Variants in UROS observed in about 807,000 individuals in gnomAD.
UROS encodes the protein uroporphyrinogen-III synthase.
Under a neutral mutation model 33.0 loss-of-function variants are expected in UROS, and 18 were observed. That is an observed-to-expected ratio of 0.55 (90% CI 0.38 to 0.81). The LOEUF (loss-of-function observed/expected upper bound fraction) is 0.81. Among genes scored for constraint, UROS ranks in the 30% least tolerant of loss-of-function variants. UROS has a pLI of 0.00. For missense variants in UROS, 293 were observed against 314.9 expected, an observed-to-expected ratio of 0.93 and a Z score of 0.53; for synonymous variants, 114 against 121.1, an observed-to-expected ratio of 0.94 and a Z score of 0.38.
chr10:125,818,304 G>C (rs560262141), intron 1 of UROS, among the ~76,000 whole-genome samples: 8 of 152,144 alleles, frequency 5.3e-5, no homozygotes, highest in Admixed American at 4.6e-4. Context: ...ACAACATAGC[G>C]AGACCCCATT....
At chr10:125,813,166 T>C (rs555773879) in intron 4 of UROS, among the ~76,000 whole-genome samples, 4 of 152,254 alleles carry the variant, frequency 2.6e-5, no homozygotes, top group South Asian at 4.1e-4. Flanking sequence ...GCAGAACAAC[T>C]GGAGTGAGCA....
At chr10:125,808,012 CAT>C (rs879859646) in intron 5 of UROS, among the ~76,000 whole-genome samples, 2 of 152,172 alleles carry the variant, frequency 1.3e-5, no homozygotes, top group Non-Finnish European at 2.9e-5. Context: ...GGAAAGGTTT[CAT>C]AATAATCTGC....
At chr10:125,802,724 A>G (rs769160913) in intron 6 of UROS, 48 of 1,385,208 alleles carry the variant, frequency 3.5e-5, no homozygotes, top group Non-Finnish European at 4.4e-5. Context: ...AAAGCCTAGC[A>G]GTATCTCTTT....
intron 7 of UROS, chr10:125,796,718 A>G: frequency 1.1e-6 from 1 of 905,402 alleles, no homozygotes; most frequent in South Asian, 5.1e-5. Flanking sequence ...TCCCTGTGCC[A>G]TTCAGCGACT....
At chr10:125,785,216 T>C (rs1247199061), downstream of UROS, 1 of 152,220 alleles carries the variant, frequency 6.6e-6, no homozygotes, top group East Asian at 1.9e-4. Flanking sequence ...TTCCCCAATG[T>C]CATCTCAGGG....
At chr10:125,785,776 T>C (rs1039803404), downstream of UROS, 1 of 152,244 alleles carries the variant, frequency 6.6e-6, no homozygotes, top group Non-Finnish European at 1.5e-5. Flanking sequence ...GCTCTCAAAT[T>C]CCTGTGTGAT....
chr10:125,802,318 G>C (rs1194711837), intron 6 of UROS: 1 of 985,812 alleles, frequency 1.0e-6, no homozygotes, highest in Non-Finnish European at 1.2e-6. Context: ...CGGAAAGCTG[G>C]AACAACTGTC....
At position 125,788,890 on chromosome 10, in the gene UROS, A is replaced by G; in HGVS notation, c.776T>C (p.Leu259Pro). ...GACTCAGCAGCAGCCATGGGGCTGG[A>G]GAGCCTTCCTGATGCCAGTGGCCAG... ...QALATGIRKA[L>P]QPHGCC Residue 259 changes from leucine to proline, a missense_variant, in exon 10 of 10, where the codon CTC (leucine) becomes CCC (proline). By Grantham distance (98) the Leu-to-Pro change is moderately conservative. Transcript: ENST00000368797. The G allele has an allele frequency of 6.3e-7, 1 of 1,597,940 alleles. No individual in the cohort carries two copies. The highest frequency in any genetic ancestry group is 8.5e-7 in the Non-Finnish European group (1 of 1,174,080).
intron 6 of UROS, chr10:125,807,212 T>G: frequency 1.7e-6 from 1 of 603,208 alleles, no homozygotes. Context: ...GTACAGGGGG[T>G]AGAAGGAAGT....
chr10:125,802,857 A>C, intron 6 of UROS: 11 of 1,527,948 alleles, frequency 7.2e-6, no homozygotes, highest in Non-Finnish European at 9.7e-6. Context: ...AGGTCCCAGC[A>C]GCCCCTTTCC....
intron 6 of UROS, among the ~76,000 whole-genome samples, chr10:125,803,586 T>C (rs1262455610): frequency 6.6e-6 from 1 of 152,234 alleles, no homozygotes; most frequent in Non-Finnish European, 1.5e-5. Context: ...GACTGCCTTT[T>C]GGGCCCAATC....
intron 1 of UROS, among the ~76,000 whole-genome samples, chr10:125,820,423 G>C (rs1473043740): frequency 6.6e-6 from 1 of 152,184 alleles, no homozygotes; most frequent in Non-Finnish European, 1.5e-5. Flanking sequence ...TTGGCTTTTT[G>C]TTCTATTTAG....
intron 9 of UROS, chr10:125,793,110 G>C: frequency 6.6e-6 from 1 of 152,264 alleles, no homozygotes; most frequent in African/African-American, 2.4e-5. Flanking sequence ...ATAGGAACAC[G>C]CACTCAGCCC....
rs770823493 is a variant in UROS, at chr10:125,807,396, G to A, written c.394+17C>T. ...AAAAATAAATGGCTTCATTTGGAGTGATGTTTTTCTACTTACTGGAACAAA... is the reference window on the plus strand; with the variant it reads ...AAAAATAAATGGCTTCATTTGGAGTAATGTTTTTCTACTTACTGGAACAAA... On this transcript the variant is annotated intron_variant, in intron 6 of 9. Coordinates refer to ENST00000368797, the MANE Select transcript of UROS (RefSeq NM_000375.3). 6.2e-7 allele frequency: 1 copy of A among 1,609,892 alleles called. No homozygotes were observed. Among genetic ancestry groups the A allele is most frequent in the Non-Finnish European group, 8.5e-7 (1 of 1,176,400 alleles).
chr10:125,819,145 C>G (rs186958676), intron 1 of UROS, among the ~76,000 whole-genome samples: 2 of 152,118 alleles, frequency 1.3e-5, no homozygotes, highest in East Asian at 3.9e-4. Context: ...CCACCATGCC[C>G]AGCTAATTTT....
In UROS at chr10:125,817,788, C is replaced by G. The variant is rs571081611; in HGVS notation, c.-26-1263G>C. 6.8e-4 allele frequency among the ~76,000 whole-genome samples: 104 copies of G among 152,294 alleles called. 1 individual carries two copies. The highest frequency in any genetic ancestry group is 2.4e-3 in the African/African-American group (100 of 41,556). On this transcript the variant is annotated intron_variant, in intron 1 of 9. Transcript: ENST00000368797. Reference sequence around the variant, plus strand: ...GGCAGAGCTGGGATTCACACCCAACCAGTCTGGCTCCAAAGTCTGTGCTTT... The same window carrying G: ...GGCAGAGCTGGGATTCACACCCAACGAGTCTGGCTCCAAAGTCTGTGCTTT...
At chr10:125,817,848 T>C (rs1328675111) in intron 1 of UROS, among the ~76,000 whole-genome samples, 1 of 152,266 alleles carries the variant, frequency 6.6e-6, no homozygotes, top group African/African-American at 2.4e-5. Flanking sequence ...TCACATACAC[T>C]TTGAATACGA....
At chr10:125,786,934 T>C (rs904417033), downstream of UROS, among the ~76,000 whole-genome samples, 2 of 152,212 alleles carry the variant, frequency 1.3e-5, no homozygotes, top group East Asian at 1.9e-4. Flanking sequence ...TCCAGCCCAA[T>C]TGCCAAAGCA....
chr10:125,803,902 G>C (rs1037647348), intron 6 of UROS, among the ~76,000 whole-genome samples: 4 of 152,236 alleles, frequency 2.6e-5, no homozygotes, highest in African/African-American at 9.6e-5. Context: ...TCTGTGGAGA[G>C]GAGGCCATGC....
Sources: allele counts gnomAD v4.1 joint callset (sites outside exome capture counted in the v4.1 genomes callset), GRCh38; gene constraint gnomAD v4.1.1; transcripts MANE v1.5; gene names NCBI Gene and HGNC (gene_info 2026-07-23, HGNC 2026-07-21).